PVT1: variants seen among roughly 807,000 people sequenced by gnomAD.
PVT1 encodes the protein Pvt1 oncogene.
chr8:127,855,022 G>A, intron 2 of PVT1: 1 of 395,256 alleles, frequency 2.5e-6, no homozygotes. Flanking sequence ...GAGTTAGAAA[G>A]CAGCATGTCT....
chr8:128,032,703 G>T (rs926495339), intron 4 of PVT1, among the ~76,000 whole-genome samples: 1 of 152,218 alleles, frequency 6.6e-6, no homozygotes, highest in Non-Finnish European at 1.5e-5. Context: ...CATGTCTAGG[G>T]TGTGGCTGCC....
Position 127,864,005 on chromosome 8 carries a change from G to A in PVT1, n.373-26584G>A, listed in dbSNP as rs200066539. On this transcript the variant is annotated intron_variant and non_coding_transcript_variant, in intron 2 of 10. Transcript: ENST00000651587. ...GAGATGTAGGGGAAAGGTTGGGACC[G>A]GCTTCCAGGTGATTGGCACATCCCT... Among the ~76,000 whole-genome samples, 12 of 152,222 alleles carry A rather than the reference G, an allele frequency of 7.9e-5. No homozygotes were observed. In the East Asian group the frequency reaches 1.2e-3, roughly 15 times the overall value.
At chr8:127,949,429 G>GTA (rs748618037) in intron 3 of PVT1, among the ~76,000 whole-genome samples, 1 of 148,254 alleles carries the variant, frequency 6.7e-6, no homozygotes, top group Admixed American at 6.7e-5. Context: ...GTGTGTATCT[G>GTA]TCTGTCTCCC....
At chr8:128,041,209 GTGTGTT>G (rs202086695) in intron 4 of PVT1, among the ~76,000 whole-genome samples, 54,996 of 115,546 alleles carry the variant, frequency 0.48, 10,430 homozygotes, top group East Asian at 0.68. Flanking sequence ...GTGTTTGCAT[GTGTGTT>G]TGTGTGTGTG....
At chr8:127,982,119 A>T (rs569271428) in intron 3 of PVT1, among the ~76,000 whole-genome samples, 1 of 152,256 alleles carries the variant, frequency 6.6e-6, no homozygotes, top group African/African-American at 2.4e-5. Context: ...TAAGATGGGG[A>T]TAATGTGAGC....
At chr8:127,991,130 T>TC (rs1817032705) in intron 4 of PVT1, among the ~76,000 whole-genome samples, 3 of 135,006 alleles carry the variant, frequency 2.2e-5, no homozygotes, top group Admixed American at 2.2e-4. Flanking sequence ...CTCTTTTTTT[T>TC]CTTTTCTTTC....
chr8:127,991,082 TC>T (rs1369951226), intron 4 of PVT1, among the ~76,000 whole-genome samples: 2 of 152,162 alleles, frequency 1.3e-5, no homozygotes, highest in Non-Finnish European at 2.9e-5. Flanking sequence ...GCAATGTATG[TC>T]TACAGCTGAC....
At chr8:127,969,544 A>C (rs1300775644) in intron 3 of PVT1, among the ~76,000 whole-genome samples, 1 of 152,194 alleles carries the variant, frequency 6.6e-6, no homozygotes, top group East Asian at 1.9e-4. Context: ...ATTGGTATGC[A>C]GCCATTCAAA....
chr8:127,916,447 A>G (rs1815986236), intron 3 of PVT1, among the ~76,000 whole-genome samples: 1 of 152,172 alleles, frequency 6.6e-6, no homozygotes, highest in South Asian at 2.1e-4. Context: ...AATGACCTCA[A>G]TGTGGGCCTG....
At chr8:127,839,876 G>A (rs1814953402) in intron 2 of PVT1, among the ~76,000 whole-genome samples, 2 of 152,200 alleles carry the variant, frequency 1.3e-5, no homozygotes, top group Non-Finnish European at 1.5e-5. Context: ...CATGTGGAGA[G>A]GGACCTGTCA....
At chr8:127,919,852 T>C (rs1017580012) in intron 3 of PVT1, among the ~76,000 whole-genome samples, 1 of 152,248 alleles carries the variant, frequency 6.6e-6, no homozygotes, top group Non-Finnish European at 1.5e-5. Flanking sequence ...CCTTCTGCTC[T>C]ACATTTTGTG....
intron 2 of PVT1, among the ~76,000 whole-genome samples, chr8:127,888,340 G>C (rs1010909457): frequency 6.6e-6 from 1 of 152,194 alleles, no homozygotes; most frequent in African/African-American, 2.4e-5. Context: ...TGGGCAGGGT[G>C]AGGCAGCTAG....
At chr8:127,906,532 T>C (rs2129835307) in intron 3 of PVT1, among the ~76,000 whole-genome samples, 1 of 152,298 alleles carries the variant, frequency 6.6e-6, no homozygotes, top group South Asian at 2.1e-4. Flanking sequence ...ATTGTAACTC[T>C]TTGGTGTGAC....
chr8:127,942,037 G>A (rs1563645719), intron 3 of PVT1, among the ~76,000 whole-genome samples: 1 of 152,190 alleles, frequency 6.6e-6, no homozygotes, highest in African/African-American at 2.4e-5. Context: ...GGCACCCTGA[G>A]TCCCAGGTCC....
intron 4 of PVT1, among the ~76,000 whole-genome samples, chr8:128,058,631 A>G (rs558758934): frequency 3.3e-4 from 50 of 152,312 alleles, no homozygotes; most frequent in African/African-American, 1.1e-3. Flanking sequence ...TGGCACTATT[A>G]TAAACAGTGT....
At chr8:127,807,442 T>G (rs1814540526) in intron 2 of PVT1, among the ~76,000 whole-genome samples, 1 of 152,214 alleles carries the variant, frequency 6.6e-6, no homozygotes, top group Non-Finnish European at 1.5e-5. Flanking sequence ...CAAGTGATTC[T>G]CCTGCCTCAG....
intron 4 of PVT1, among the ~76,000 whole-genome samples, chr8:128,019,572 CACA>C (rs1446523306): frequency 1.3e-5 from 2 of 152,238 alleles, no homozygotes; most frequent in Non-Finnish European, 2.9e-5. Flanking sequence ...CATACATGCT[CACA>C]ACGTTTGCTT....
intron 3 of PVT1, among the ~76,000 whole-genome samples, chr8:127,958,909 G>A (rs1314257321): frequency 6.6e-6 from 1 of 152,190 alleles, no homozygotes; most frequent in Non-Finnish European, 1.5e-5. Context: ...CTAGCTCACT[G>A]TGAAGTGGAT....
At chr8:128,018,368 G>C (rs1175268349) in intron 4 of PVT1, among the ~76,000 whole-genome samples, 2 of 152,226 alleles carry the variant, frequency 1.3e-5, no homozygotes, top group African/African-American at 4.8e-5. Context: ...GTGGGCAGCA[G>C]CCCCTTTGTG....
Sources: gnomAD v4.1 joint callset for allele counts (sites outside exome capture counted in the v4.1 genomes callset) on GRCh38, gnomAD v4.1.1 for gene constraint, MANE v1.5 for transcripts, NCBI Gene and HGNC (gene_info 2026-07-23, HGNC 2026-07-21) for gene names.